TMEM143: variants seen among roughly 807,000 people sequenced by gnomAD.
TMEM143 encodes the protein transmembrane protein 143.
In TMEM143, 45 loss-of-function variants were observed where a neutral mutation model predicts 40.3. The observed-to-expected ratio is 1.12, with a 90% CI of 0.88 to 1.43. The LOEUF is 1.43. Ranked by LOEUF, TMEM143 falls within the 40% of genes most tolerant of loss-of-function variation. TMEM143 has a pLI of 0.00. For synonymous variants in TMEM143, 299 were observed against 282.7 expected (o/e 1.06, Z -0.58); for missense variants, 620 against 613.4 (o/e 1.01, Z -0.11).
chr19:48,360,367 C>CAGG (rs1345724346), intron 2 of TMEM143, 191 bp from the exon 3 acceptor site: 2 of 552,532 alleles, frequency 3.6e-6, no homozygotes. Context: ...CACTTGAAGT[C>CAGG]AGGAGTTCAA....
chr19:48,356,584 C>G (rs763670124), intron 3 of TMEM143, among the ~76,000 whole-genome samples: 1 of 145,988 alleles, frequency 6.8e-6, no homozygotes, highest in Admixed American at 7.3e-5. Context: ...CATGCGCTAC[C>G]AGGCCCAGGT....
chr19:48,361,579 G>C (rs922443539), intron 2 of TMEM143, among the ~76,000 whole-genome samples: 3 of 143,684 alleles, frequency 2.1e-5, no homozygotes, highest in African/African-American at 7.7e-5. Context: ...TGCCCAGACT[G>C]GAGTGCAGTG....
intron 3 of TMEM143, among the ~76,000 whole-genome samples, chr19:48,352,263 C>CAAAACAAAAAAAAAAAAAA (rs1969795438): frequency 3.7e-5 from 2 of 53,896 alleles, no homozygotes; most frequent in Non-Finnish European, 4.0e-5. Flanking sequence ...AAAAAAAAAA[C>CAAAACAAAAAAAAAAAAAA]ACCATATCTG....
chr19:48,334,416 CTCTTTCTT>C (rs201875941), intron 6 of TMEM143, among the ~76,000 whole-genome samples: 14,191 of 107,036 alleles, frequency 0.13, 841 homozygotes, highest in East Asian at 0.16. Flanking sequence ...TTCTTTTTCT[CTCTTTCTT>C]TCTTTCTTTC....
rs2147364042 is a variant in TMEM143, at chr19:48,342,540, C to T, written c.965G>A (p.Arg322Gln). 9 of 1,607,436 alleles carry T rather than the reference C, an allele frequency of 5.6e-6. No homozygotes were observed. Among genetic ancestry groups the T allele is most frequent in the East Asian group, 2.2e-5 (1 of 44,592 alleles). The change falls in exon 6 of 8, where the codon CGG becomes CAG. Residue 322 changes from arginine (R) to glutamine (Q), a missense_variant. Coordinates refer to ENST00000293261, the MANE Select transcript of TMEM143 (RefSeq NM_018273.4). The stretch of plus-strand genomic sequence containing the variant: ...CAGGCGCATGCTCACCTTGGAGGCC[C>T]GCAGGCCCATGAAGATGGCGAAGAG... ...LLLFAIFMGL[R>Q]ASKMFGQRRS...
chr19:48,362,230 G>A (rs1316074155), intron 2 of TMEM143, among the ~76,000 whole-genome samples: 1 of 152,136 alleles, frequency 6.6e-6, no homozygotes, highest in African/African-American at 2.4e-5. Context: ...TAGGTGTTCA[G>A]TAAATAAATG....
Position 48,333,489 on chromosome 19 carries a change from G to A in TMEM143, c.1166-56C>T. The stretch of plus-strand genomic sequence containing the variant: ...CACACTGAGATCGGGGAAGATTCGA[G>A]GGAGCAGCAAGGAGGGGCGTAGGGC... On this transcript the variant is annotated intron_variant, in intron 7 of 7. Coordinates refer to ENST00000293261, the MANE Select transcript of TMEM143 (RefSeq NM_018273.4). This position sits in a 1 kb window ranked among gnomAD's most constrained non-coding sequence, Gnocchi z 4.1. The A allele has an allele frequency of 7.7e-7, 1 of 1,304,122 alleles. No individual in the cohort carries two copies. Among genetic ancestry groups the A allele is most frequent in the Non-Finnish European group, 1.1e-6 (1 of 930,338 alleles). The allele number at this position is 1,304,122 out of a possible 1,614,324, so 80.8% of individuals were successfully genotyped here.
At chr19:48,363,234 C>A in intron 2 of TMEM143, 57 bp downstream of exon 2, 1 of 1,550,912 alleles carries the variant, frequency 6.4e-7, no homozygotes, top group Non-Finnish European at 8.7e-7. Context: ...GCCCTGCCGC[C>A]GCGAAGCCTG....
intron 3 of TMEM143, among the ~76,000 whole-genome samples, chr19:48,359,215 A>G (rs972796350): frequency 6.6e-6 from 1 of 152,072 alleles, no homozygotes; most frequent in Non-Finnish European, 1.5e-5. Context: ...AGGTCCTCAC[A>G]GTGGCCCACA....
chr19:48,334,597 T>C (rs1213659538), intron 6 of TMEM143, among the ~76,000 whole-genome samples: 2 of 149,372 alleles, frequency 1.3e-5, no homozygotes, highest in East Asian at 3.9e-4. Flanking sequence ...TTTTTTTTTT[T>C]TTTCGACAGG....
In TMEM143 at chr19:48,333,024, G is replaced by A. The variant is rs1969248125; in HGVS notation, c.*195C>T. The A allele has an allele frequency of 2.4e-6, 1 of 414,422 alleles. No homozygotes were observed. Among genetic ancestry groups the A allele is most frequent in the East Asian group, 3.6e-5 (1 of 27,932 alleles). The allele number at this position is 414,422 out of a possible 1,614,324, so 25.7% of individuals were successfully genotyped here. ...TCGCTTTGATTGGCTGTTCATCGAA[G>A]GGGCGGGGAAGACTTAACAACTGCT... On this transcript the variant is annotated 3_prime_UTR_variant, in exon 8 of 8. Coordinates refer to ENST00000293261, the MANE Select transcript of TMEM143 (RefSeq NM_018273.4). This position sits in a 1 kb window ranked among gnomAD's most constrained non-coding sequence, Gnocchi z 4.1.
Position 48,343,422 on chromosome 19 carries a change from G to T in TMEM143, c.594C>A (p.Tyr198Ter), listed in dbSNP as rs1222449108. Residue 198 changes from tyrosine to a stop codon, truncating the protein, a stop_gained, in exon 5 of 8, where the codon TAC (tyrosine) becomes TAA (stop). Transcript: ENST00000293261. LOFTEE classifies it high-confidence loss of function. ...QVTVNLDQYVYIHFWALGQRV... is the reference protein window; with the variant it reads ...QVTVNLDQYV Reference sequence around the variant, plus strand: ...GCTGGCCCAGGGCCCAGAAGTGAATGTAGACATACTGATCCAAATTTACTG... The same window carrying T: ...GCTGGCCCAGGGCCCAGAAGTGAATTTAGACATACTGATCCAAATTTACTG... 6.3e-7 allele frequency: 1 copy of T among 1,587,236 alleles called. No homozygotes were observed. The highest frequency in any genetic ancestry group is 8.6e-7 in the Non-Finnish European group (1 of 1,166,336).
intron 3 of TMEM143, among the ~76,000 whole-genome samples, chr19:48,355,486 G>A (rs1969868740): frequency 6.6e-6 from 1 of 152,140 alleles, no homozygotes; most frequent in Non-Finnish European, 1.5e-5. Flanking sequence ...GGCCCTCTGA[G>A]ACATTCAGTT....
At chr19:48,363,706 G>A in intron 1 of TMEM143, 175 bp from the exon 2 acceptor site, 1 of 1,360,804 alleles carries the variant, frequency 7.3e-7, no homozygotes, top group South Asian at 1.4e-5. Flanking sequence ...GTTGGCCTGG[G>A]TCCCAGACAG....
Position 48,333,107 on chromosome 19 carries a change from TCA to T in TMEM143, c.*110_*111del. 1.2e-6 allele frequency: 1 copy of T among 838,652 alleles called. No homozygotes were observed. Among genetic ancestry groups the T allele is most frequent in the South Asian group, 3.5e-5 (1 of 28,290 alleles). 52.0% of individuals were successfully genotyped at this position (838,652 alleles called of 1,614,324 possible). On this transcript the variant is annotated 3_prime_UTR_variant, in exon 8 of 8. Coordinates refer to ENST00000293261, the MANE Select transcript of TMEM143 (RefSeq NM_018273.4). The surrounding 1 kb of genome is among the most constrained non-coding windows in gnomAD (Gnocchi z 4.1). ...ACAGTGCAGCAAAAATAATCACCTG[TCA>T]GTTATTGGAAGTTGGAGTGAAAAGT...
In TMEM143 at chr19:48,363,925, C is replaced by T; in HGVS notation, c.-5G>A. On this transcript the variant is annotated 5_prime_UTR_variant, in exon 1 of 8. Transcript: ENST00000293261. ...TAGCCAAAGCTCGACTGTCATTGAGCCTCCTGCGCATGTGCAGGAGGGCGT... is the reference window on the plus strand; with the variant it reads ...TAGCCAAAGCTCGACTGTCATTGAGTCTCCTGCGCATGTGCAGGAGGGCGT... The T allele has an allele frequency of 2.5e-6, 4 of 1,613,438 alleles. No individual in the cohort carries two copies. Among genetic ancestry groups the T allele is most frequent in the East Asian group, 2.2e-5 (1 of 44,862 alleles).
At chr19:48,337,069 C>T (rs1317918555) in intron 6 of TMEM143, among the ~76,000 whole-genome samples, 2 of 151,860 alleles carry the variant, frequency 1.3e-5, no homozygotes, top group Non-Finnish European at 2.9e-5. Context: ...GTACCTGTAC[C>T]CAGATTCCTC....
intron 1 of TMEM143, 121 bp downstream of exon 1, chr19:48,363,777 C>G: frequency 2.6e-6 from 4 of 1,532,716 alleles, no homozygotes; most frequent in African/African-American, 1.4e-5. Flanking sequence ...AGTGGTACAA[C>G]GTTTCTTTGG....
chr19:48,337,618 A>G (rs1163321485), intron 6 of TMEM143, among the ~76,000 whole-genome samples: 1 of 151,738 alleles, frequency 6.6e-6, no homozygotes, highest in Non-Finnish European at 1.5e-5. Context: ...AACATCAGCT[A>G]CTATGGAACA....
Sources: gnomAD v4.1 joint callset for allele counts (sites outside exome capture counted in the v4.1 genomes callset) on GRCh38, gnomAD v4.1.1 for gene constraint, Gnocchi (gnomAD v3.1) non-coding constraint, MANE v1.5 for transcripts, NCBI Gene and HGNC (gene_info 2026-07-23, HGNC 2026-07-21) for gene names.